CAPN13: variants seen among roughly 807,000 people sequenced by gnomAD.
The protein encoded by CAPN13 is calpain 13.
CAPN13 carries 90 observed loss-of-function variants against 98.4 expected under a neutral mutation model. The ratio of observed to expected loss-of-function variants is 0.92; its 90% CI spans 0.77 to 1.09. The LOEUF is 1.09. Among genes scored for constraint, CAPN13 ranks in the 50% least tolerant of loss-of-function variants. The pLI, the probability that CAPN13 is intolerant of heterozygous loss-of-function variation, is 0.00. For synonymous variants in CAPN13, 330 were observed against 305.5 expected (o/e 1.08, Z -0.84); for missense variants, 887 against 841.3 (o/e 1.05, Z -0.67).
chr2:30,787,336 A>G lies in CAPN13; in HGVS notation c.-11T>C. On this transcript the variant is annotated 5_prime_UTR_variant, in exon 2 of 23. Transcript: ENST00000295055. ...CTGGTAATACGCCATGACTCTCCTTAGAAGACTTCCGAGGTCCTTTCCTGT... is the reference window on the plus strand; with the variant it reads ...CTGGTAATACGCCATGACTCTCCTTGGAAGACTTCCGAGGTCCTTTCCTGT... 1 of 1,607,018 alleles carries G rather than the reference A, an allele frequency of 6.2e-7. No homozygotes were observed. The highest frequency in any genetic ancestry group is 1.1e-5 in the South Asian group (1 of 89,358).
chr2:30,801,278 C>A lies in CAPN13; in HGVS notation c.-33+6024G>T, dbSNP rs74804169. On this transcript the variant is annotated intron_variant, in intron 1 of 22. Transcript: ENST00000295055. Reference sequence around the variant, plus strand: ...TTATTCTTAAAGGATTTCCCTGGGCCTATCTTCTTAGGCTTTTTCATTTAA... The same window carrying A: ...TTATTCTTAAAGGATTTCCCTGGGCATATCTTCTTAGGCTTTTTCATTTAA... Among the ~76,000 whole-genome samples the A allele has an allele frequency of 6.6e-3, 1,011 of 152,200 alleles. 7 individuals carry two copies. The highest frequency in any genetic ancestry group is 0.021 in the African/African-American group (892 of 41,522).
intron 11 of CAPN13, among the ~76,000 whole-genome samples, chr2:30,747,554 C>T (rs1173532638): frequency 6.6e-6 from 1 of 152,196 alleles, no homozygotes; most frequent in East Asian, 1.9e-4. Flanking sequence ...TTTTCACTGT[C>T]CTGTCTTCTC....
chr2:30,735,704 T>G (rs1671327922), intron 18 of CAPN13, among the ~76,000 whole-genome samples: 1 of 152,156 alleles, frequency 6.6e-6, no homozygotes, highest in Non-Finnish European at 1.5e-5. Context: ...TATACTGAAA[T>G]AGCCACACAG....
intron 7 of CAPN13, 91 bp from the exon 8 acceptor site, chr2:30,758,228 C>T: frequency 4.4e-6 from 4 of 914,230 alleles, no homozygotes; most frequent in Non-Finnish European, 6.4e-6. Context: ...CCTCCAAGGA[C>T]CAATTTAACT....
At chr2:30,733,760 C>T (rs150728185) in intron 19 of CAPN13, among the ~76,000 whole-genome samples, 25 of 152,292 alleles carry the variant, frequency 1.6e-4, no homozygotes, top group African/African-American at 6.0e-4. Flanking sequence ...GACTATCCTT[C>T]CAGTGTTAAC....
intron 8 of CAPN13, among the ~76,000 whole-genome samples, chr2:30,757,755 G>A (rs1001218968): frequency 2.0e-5 from 3 of 152,212 alleles, no homozygotes; most frequent in African/African-American, 4.8e-5. Flanking sequence ...CCCTGCTGTA[G>A]ACTGTAACCT....
rs142419106 is a variant in CAPN13, at chr2:30,770,540, C to T, written c.388-91G>A. On this transcript the variant is annotated intron_variant, in intron 4 of 22. Coordinates refer to ENST00000295055, the MANE Select transcript of CAPN13 (RefSeq NM_144575.3). ...CCTAAGCCAAAAGTTGCAACATGACCTCTACAATGCAATAATGAACTCTAT... is the reference window on the plus strand; with the variant it reads ...CCTAAGCCAAAAGTTGCAACATGACTTCTACAATGCAATAATGAACTCTAT... 3.3e-4 allele frequency: 482 copies of T among 1,453,532 alleles called. No homozygotes were observed. The African/African-American group carries it at 6.5e-3, about 20-fold the overall frequency. 90.0% of individuals were successfully genotyped at this position (1,453,532 alleles called of 1,614,324 possible). A position where few individuals can be genotyped will look rare whatever the true frequency, so the allele number is the denominator to read the frequency against.
Position 30,786,433 on chromosome 2 carries a change from C to T in CAPN13, c.198+695G>A, listed in dbSNP as rs575628981. On this transcript the variant is annotated intron_variant, in intron 2 of 22. Coordinates refer to ENST00000295055, the MANE Select transcript of CAPN13 (RefSeq NM_144575.3). ...AATGTTGAGTCAGCTGAGATATTTTCCGTGGACTTGTCATGCCCTAAAATT... is the reference window on the plus strand; with the variant it reads ...AATGTTGAGTCAGCTGAGATATTTTTCGTGGACTTGTCATGCCCTAAAATT... 2.1e-4 allele frequency among the ~76,000 whole-genome samples: 32 copies of T among 152,168 alleles called. No individual in the cohort carries two copies. In the East Asian group the frequency reaches 4.3e-3, roughly 20 times the overall value.
At chr2:30,769,405 G>A (rs1673275201) in intron 5 of CAPN13, among the ~76,000 whole-genome samples, 2 of 152,144 alleles carry the variant, frequency 1.3e-5, no homozygotes, top group Admixed American at 6.5e-5. Context: ...TCTCATAGGA[G>A]GAGACGGATG....
chr2:30,798,006 T>G (rs762396859), intron 1 of CAPN13, among the ~76,000 whole-genome samples: 1 of 152,204 alleles, frequency 6.6e-6, no homozygotes, highest in Non-Finnish European at 1.5e-5. Context: ...GAAGAACATG[T>G]GATCTGTGCA....
At chr2:30,794,870 CA>C (rs1340319926) in intron 1 of CAPN13, among the ~76,000 whole-genome samples, 1 of 151,636 alleles carries the variant, frequency 6.6e-6, no homozygotes, top group East Asian at 1.9e-4. Flanking sequence ...AGTGGTTGCT[CA>C]GAAATGGGGG....
At chr2:30,732,659 G>A (rs374062841) in intron 19 of CAPN13, 93 bp from the exon 20 acceptor site, 62 of 1,490,336 alleles carry the variant, frequency 4.2e-5, no homozygotes, top group East Asian at 7.4e-5. Flanking sequence ...CAGAGGGCCC[G>A]GCCACCTCCC....
chr2:30,800,770 C>A (rs936276713), intron 1 of CAPN13, among the ~76,000 whole-genome samples: 2 of 152,148 alleles, frequency 1.3e-5, no homozygotes, highest in Non-Finnish European at 2.9e-5. Context: ...AGAAACTTGT[C>A]TTTGCATGGA....
chr2:30,771,431 A>G (rs114631749), intron 4 of CAPN13, among the ~76,000 whole-genome samples: 340 of 152,292 alleles, frequency 2.2e-3, no homozygotes, highest in African/African-American at 6.8e-3. Context: ...CAGAGCAGAG[A>G]TGGAGATTGA....
intron 2 of CAPN13, among the ~76,000 whole-genome samples, chr2:30,778,084 G>A (rs1673793386): frequency 1.3e-5 from 2 of 152,150 alleles, no homozygotes; most frequent in East Asian, 1.9e-4. Flanking sequence ...AATTAGCATA[G>A]GTATTTTGGA....
Position 30,776,912 on chromosome 2 carries a change from T to C in CAPN13, c.271+655A>G, listed in dbSNP as rs1242029029. On this transcript the variant is annotated intron_variant, in intron 3 of 22. Transcript: ENST00000295055. ...GGTGGCCAGGCAGGCTCTATTGACT[T>C]GGTCCAAGGCACGGTGATTTCACCA... is the stretch of plus-strand genomic sequence containing the variant. 3.3e-5 allele frequency among the ~76,000 whole-genome samples: 5 copies of C among 152,216 alleles called. No homozygotes were observed. The East Asian group carries it at 9.6e-4, about 29-fold the overall frequency.
At chr2:30,730,682 G>T in intron 22 of CAPN13, 48 bp downstream of exon 22, 2 of 775,420 alleles carry the variant, frequency 2.6e-6, no homozygotes. Context: ...AGGGGAAGGA[G>T]GACTCATGCT....
chr2:30,802,285 GC>G (rs931811059), intron 1 of CAPN13, among the ~76,000 whole-genome samples: 2 of 152,138 alleles, frequency 1.3e-5, no homozygotes, highest in African/African-American at 4.8e-5. Flanking sequence ...CCCCAGGAAG[GC>G]CCAGGTCAAC....
At chr2:30,800,137 A>AAAGAAAGAAAGAAAGAAAGAAAGAAAGT (rs1558351530) in intron 1 of CAPN13, among the ~76,000 whole-genome samples, 6 of 147,136 alleles carry the variant, frequency 4.1e-5, no homozygotes, top group African/African-American at 1.5e-4. Flanking sequence ...AGAAAGAAAG[A>AAAGAAAGAAAGAAAGAAAGAAAGAAAGT]AAGAAAGAAA....
Sources: gnomAD v4.1 joint callset for allele counts (sites outside exome capture counted in the v4.1 genomes callset) on GRCh38, gnomAD v4.1.1 for gene constraint, MANE v1.5 for transcripts, NCBI Gene and HGNC (gene_info 2026-07-23, HGNC 2026-07-21) for gene names.